AHCTF1: variants seen among roughly 807,000 people sequenced by gnomAD.
The protein encoded by AHCTF1 is protein ELYS.
Under a neutral mutation model 248.4 loss-of-function variants are expected in AHCTF1, and 24 were observed. That is an observed-to-expected ratio of 0.10 (90% CI 0.07 to 0.14). The LOEUF (loss-of-function observed/expected upper bound fraction) is 0.14. AHCTF1 is among the 10% of genes least tolerant of loss of function. The probability of loss-of-function intolerance (pLI) is 1.00; values close to 1 mark genes in which losing one functional copy is unlikely to be tolerated. For missense variants in AHCTF1, 2,206 were observed against 2,636.2 expected (o/e 0.84, Z 3.57); for synonymous variants, 786 against 929.8 (o/e 0.85, Z 2.81).
intron 31 of AHCTF1, among the ~76,000 whole-genome samples, chr1:246,855,197 T>C (rs1029752978): frequency 2.6e-5 from 4 of 152,216 alleles, no homozygotes; most frequent in African/African-American, 7.2e-5. Context: ...ATTCTGGGCA[T>C]AGACATTCAA....
In AHCTF1 at chr1:246,877,577, T is replaced by C. The variant is rs150596968; in HGVS notation, c.2661-275A>G. Among the ~76,000 whole-genome samples, 118 of 152,214 alleles carry C rather than the reference T, an allele frequency of 7.8e-4. 1 individual carries two copies. Among genetic ancestry groups the C allele is most frequent in the African/African-American group, 2.6e-3 (110 of 41,526 alleles). ...AAATTCAAAGAAGACAAAAAACTAA[T>C]GTGGCCTGGATAGAGCTGAATGGTT... On this transcript the variant is annotated intron_variant, in intron 21 of 35. Coordinates refer to ENST00000648844, the MANE Select transcript of AHCTF1 (RefSeq NM_001323342.2).
intron 14 of AHCTF1, 64 bp downstream of exon 14, chr1:246,894,595 A>T (rs1664436024): frequency 7.9e-7 from 1 of 1,272,318 alleles, no homozygotes; most frequent in Non-Finnish European, 1.1e-6. Flanking sequence ...TGTACTTAAG[A>T]CATAAACCAA....
At chr1:246,841,702 T>A (rs1168708308) in intron 35 of AHCTF1, among the ~76,000 whole-genome samples, 1 of 152,176 alleles carries the variant, frequency 6.6e-6, no homozygotes, top group Non-Finnish European at 1.5e-5. Context: ...CCATCCCACT[T>A]CCCTTTCCTA....
intron 24 of AHCTF1, among the ~76,000 whole-genome samples, chr1:246,868,635 T>C (rs1662222002): frequency 6.6e-6 from 1 of 151,386 alleles, no homozygotes; most frequent in Non-Finnish European, 1.5e-5. Flanking sequence ...AAAAAAGTTA[T>C]TCTTTGTGTT....
In AHCTF1 at chr1:246,885,531, G is replaced by A. The variant is rs758259236; in HGVS notation, c.2622C>T (p.Asn874=). The change falls in exon 21 of 36, where the codon AAC becomes AAT. Residue 874 remains asparagine (N), a synonymous_variant. Transcript: ENST00000648844. ...AAACAGTGAGGTGAAGGATAACATC[G>A]TTACCACTGGACACTGTTGGCTTCA... ...QTMKPTVSSG[N]DVILHLTVLL... The A allele has an allele frequency of 1.2e-6, 2 of 1,606,054 alleles. No individual in the cohort carries two copies. The highest frequency in any genetic ancestry group is 1.7e-6 in the Non-Finnish European group (2 of 1,175,554).
chr1:246,863,323 C>T (rs36028619), intron 27 of AHCTF1, among the ~76,000 whole-genome samples: 1 of 150,950 alleles, frequency 6.6e-6, no homozygotes, highest in South Asian at 2.1e-4. Context: ...AATAAAGCTT[C>T]TGGGTTTCAA....
chr1:246,924,234 A>G (rs1160533434), intron 1 of AHCTF1, among the ~76,000 whole-genome samples: 1 of 152,194 alleles, frequency 6.6e-6, no homozygotes, highest in Non-Finnish European at 1.5e-5. Flanking sequence ...ATTTACATTA[A>G]AAGAACTACT....
chr1:246,861,055 A>C lies in AHCTF1; in HGVS notation c.3976T>G (p.Ser1326Ala), dbSNP rs1223308687. The C allele has an allele frequency of 6.2e-7, 1 of 1,614,046 alleles. No individual in the cohort carries two copies. The stretch of plus-strand genomic sequence containing the variant: ...ACAGTCTCTTCAAGGTCTTCCGGTG[A>C]CGGTGCATCCTGATACTCTAAGGTA... ...ETTLEYQDAP[S>A]PEDLEETVFT... Residue 1326 changes from serine to alanine, a missense_variant, in exon 29 of 36, where the codon TCA (serine) becomes GCA (alanine). By Grantham distance (99) the Ser-to-Ala change is moderately conservative. This residue lies in a region of AHCTF1 where 955 missense variants were observed against 1,055.6 expected (regional missense o/e 0.90). Coordinates refer to ENST00000648844, the MANE Select transcript of AHCTF1 (RefSeq NM_001323342.2).
chr1:246,896,673 A>G (rs576090521), intron 12 of AHCTF1, among the ~76,000 whole-genome samples: 17 of 152,232 alleles, frequency 1.1e-4, no homozygotes, highest in African/African-American at 4.1e-4. Context: ...TCTGTGAATT[A>G]AAATCACTGA....
intron 24 of AHCTF1, among the ~76,000 whole-genome samples, chr1:246,869,010 A>AACTTTTTCTATTTTTAGTAGAG (rs1558231966): frequency 1.3e-5 from 2 of 151,162 alleles, no homozygotes; most frequent in African/African-American, 4.9e-5. Flanking sequence ...ATGCCTGGCT[A>AACTTTTTCTATTTTTAGTAGAG]ACTTTTTCTA....
At chr1:246,842,129 T>C (rs1007060598) in intron 35 of AHCTF1, among the ~76,000 whole-genome samples, 1 of 152,082 alleles carries the variant, frequency 6.6e-6, no homozygotes, top group Non-Finnish European at 1.5e-5. Flanking sequence ...GCTTTCATGC[T>C]ATTAATATAT....
intron 15 of AHCTF1, 103 bp from the exon 16 acceptor site, chr1:246,891,163 A>G: frequency 3.2e-6 from 2 of 620,594 alleles, no homozygotes; most frequent in Non-Finnish European, 2.7e-6. Flanking sequence ...TTGTAAATAT[A>G]TATTTTACAT....
At chr1:246,931,440 C>T (rs896833930) in intron 1 of AHCTF1, 138 bp downstream of exon 1, 6 of 1,358,720 alleles carry the variant, frequency 4.4e-6, no homozygotes, top group Non-Finnish European at 5.7e-6. Context: ...TGGCCCCGCG[C>T]ACGCCCGGCC....
chr1:246,926,648 G>A (rs1666935884), intron 1 of AHCTF1, among the ~76,000 whole-genome samples: 1 of 152,046 alleles, frequency 6.6e-6, no homozygotes, highest in South Asian at 2.1e-4. Flanking sequence ...CTGAGGTCAG[G>A]AGTTCAAGAC....
chr1:246,927,347 G>C (rs1667007792), intron 1 of AHCTF1, among the ~76,000 whole-genome samples: 1 of 152,116 alleles, frequency 6.6e-6, no homozygotes, highest in African/African-American at 2.4e-5. Flanking sequence ...GTAGCAGCCA[G>C]CCACGGCTGC....
chr1:246,879,518 T>C (rs1285521770), intron 21 of AHCTF1, among the ~76,000 whole-genome samples: 2 of 152,148 alleles, frequency 1.3e-5, no homozygotes, highest in Non-Finnish European at 2.9e-5. Flanking sequence ...TAAATGTTCA[T>C]TACAGAGAAC....
At chr1:246,881,203 T>G (rs981609829) in intron 21 of AHCTF1, among the ~76,000 whole-genome samples, 8 of 152,176 alleles carry the variant, frequency 5.3e-5, no homozygotes, top group Non-Finnish European at 8.8e-5. Context: ...CATTAACAAG[T>G]ATTCATAATA....
chr1:246,904,850 T>C (rs914188987), intron 6 of AHCTF1, among the ~76,000 whole-genome samples: 1 of 152,170 alleles, frequency 6.6e-6, no homozygotes, highest in African/African-American at 2.4e-5. Context: ...CTTCCTAATA[T>C]TCCTCATACC....
At chr1:246,900,299 T>C (rs377558015) in intron 9 of AHCTF1, 38 bp downstream of exon 9, 127 of 1,582,594 alleles carry the variant, frequency 8.0e-5, no homozygotes, top group Non-Finnish European at 1.0e-4. Flanking sequence ...CACATACAAA[T>C]ACAAAGAGAA....
Sources: gnomAD v4.1 joint callset for allele counts (sites outside exome capture counted in the v4.1 genomes callset) on GRCh38, gnomAD v4.1.1 for gene constraint, gnomAD v4.1.1 regional missense constraint, MANE v1.5 for transcripts, NCBI Gene and HGNC (gene_info 2026-07-23, HGNC 2026-07-21) for gene names.